The following KIAA0825 variants were observed in gnomAD, a reference collection of about 807,000 sequenced individuals.
KIAA0825 encodes the protein uncharacterized protein KIAA0825.
Under a neutral mutation model 147.6 loss-of-function variants are expected in KIAA0825, and 119 were observed. The observed-to-expected ratio is 0.81, with a 90% CI of 0.69 to 0.94. The LOEUF is 0.94. Among genes scored for constraint, KIAA0825 ranks in the 40% least tolerant of loss-of-function variants. The probability of loss-of-function intolerance (pLI) is 0.00; values close to 1 mark genes in which losing one functional copy is unlikely to be tolerated. For synonymous variants in KIAA0825, 470 were observed against 518.1 expected (o/e 0.91, Z 1.26); for missense variants, 1,381 against 1,472.7 (o/e 0.94, Z 1.02).
chr5:94,237,336 G>A (rs372801378), intron 20 of KIAA0825, among the ~76,000 whole-genome samples: 8 of 152,062 alleles, frequency 5.3e-5, no homozygotes, highest in African/African-American at 1.9e-4. Flanking sequence ...AAGAAACACT[G>A]CTTAATGTAG....
rs549898355 is a variant in KIAA0825, at chr5:94,308,366, G to A, written c.3710+76002C>T. ...ACAGGAGAGAGAATGATTAGATGCA[G>A]TTTCATCTCTCAAGGAGCTCTCAAT... On this transcript the variant is annotated intron_variant, in intron 20 of 20. Coordinates refer to ENST00000682413, the MANE Select transcript of KIAA0825 (RefSeq NM_001145678.3). 7.3e-5 allele frequency among the ~76,000 whole-genome samples: 11 copies of A among 151,642 alleles called. No homozygotes were observed. In the South Asian group the frequency reaches 2.1e-3, roughly 29 times the overall value.
chr5:94,205,477 G>C (rs1252251479), intron 20 of KIAA0825, among the ~76,000 whole-genome samples: 2 of 151,396 alleles, frequency 1.3e-5, no homozygotes, highest in African/African-American at 4.9e-5. Flanking sequence ...ATTTTTAGTA[G>C]AGATGGGGTT....
intron 15 of KIAA0825, among the ~76,000 whole-genome samples, chr5:94,409,643 G>T (rs574342723): frequency 6.6e-6 from 1 of 152,164 alleles, no homozygotes; most frequent in African/African-American, 2.4e-5. Context: ...TTGAGAAACT[G>T]TTAGCTGAAC....
intron 1 of KIAA0825, among the ~76,000 whole-genome samples, chr5:94,606,026 C>T (rs1353480857): frequency 6.6e-6 from 1 of 152,128 alleles, no homozygotes; most frequent in Non-Finnish European, 1.5e-5. Flanking sequence ...AGTCTTAGCC[C>T]AAAGGCTCCT....
chr5:94,170,170 G>A (rs1562293706), intron 20 of KIAA0825, among the ~76,000 whole-genome samples: 1 of 152,100 alleles, frequency 6.6e-6, no homozygotes, highest in East Asian at 1.9e-4. Flanking sequence ...ATGGTGGCGG[G>A]TGCCTGTAGT....
chr5:94,542,207 C>G (rs1366277665), intron 2 of KIAA0825, among the ~76,000 whole-genome samples: 5 of 152,200 alleles, frequency 3.3e-5, no homozygotes, highest in Admixed American at 6.5e-5. Context: ...TCAGGACTCT[C>G]ATGGAGAGCT....
intron 1 of KIAA0825, among the ~76,000 whole-genome samples, chr5:94,608,986 GATTT>G (rs1401460128): frequency 1.3e-5 from 2 of 152,050 alleles, no homozygotes; most frequent in Non-Finnish European, 2.9e-5. Flanking sequence ...ATTTGTAAAA[GATTT>G]ATTAAAAGTA....
chr5:94,268,105 A>G (rs1478960009), intron 20 of KIAA0825, among the ~76,000 whole-genome samples: 1 of 152,170 alleles, frequency 6.6e-6, no homozygotes, highest in African/African-American at 2.4e-5. Context: ...TTATTCGTTT[A>G]AAATTGCAAT....
At chr5:94,196,454 ACTT>A (rs1235284788) in intron 20 of KIAA0825, among the ~76,000 whole-genome samples, 1 of 150,524 alleles carries the variant, frequency 6.6e-6, no homozygotes, top group Admixed American at 6.6e-5. Context: ...TACTGACGAA[ACTT>A]CTTTTTTTTT....
At position 94,473,699 on chromosome 5, in the gene KIAA0825, CAT is replaced by C. The variant is rs949956801; in HGVS notation, c.1228-182_1228-181del. On this transcript the variant is annotated intron_variant, in intron 7 of 20. Coordinates refer to ENST00000682413, the MANE Select transcript of KIAA0825 (RefSeq NM_001145678.3). The stretch of plus-strand genomic sequence containing the variant: ...TAGTGAATAAAGCAATATACAAAAA[CAT>C]GTGCATTCTTTACACACAGTAATAT... 3.9e-4 allele frequency among the ~76,000 whole-genome samples: 59 copies of C among 152,208 alleles called. 1 individual carries two copies. The highest frequency in any genetic ancestry group is 1.0e-3 in the African/African-American group (43 of 41,532).
At chr5:94,388,895 C>G (rs953619589) in intron 18 of KIAA0825, among the ~76,000 whole-genome samples, 2 of 152,164 alleles carry the variant, frequency 1.3e-5, no homozygotes, top group Non-Finnish European at 2.9e-5. Flanking sequence ...CTCCATTTCT[C>G]TTCACTGAAG....
Position 94,151,731 on chromosome 5 carries a change from T to G in KIAA0825, c.*2276A>C, listed in dbSNP as rs569971479. Among the ~76,000 whole-genome samples, 1 of 152,306 alleles carries G rather than the reference T, an allele frequency of 6.6e-6. No homozygotes were observed. Among genetic ancestry groups the G allele is most frequent in the East Asian group, 1.9e-4 (1 of 5,182 alleles). Reference sequence around the variant, plus strand: ...CAGGATTAATACAGGAATATACGAATTCAATAATAATAGCTTTAAAAGATG... The same window carrying G: ...CAGGATTAATACAGGAATATACGAAGTCAATAATAATAGCTTTAAAAGATG... On this transcript the variant is annotated 3_prime_UTR_variant, in exon 21 of 21. Transcript: ENST00000682413.
intron 5 of KIAA0825, among the ~76,000 whole-genome samples, chr5:94,517,516 A>G (rs1434156555): frequency 6.6e-6 from 1 of 152,094 alleles, no homozygotes; most frequent in East Asian, 1.9e-4. Context: ...AGAAGCAACT[A>G]AAGATTGAAT....
At chr5:94,380,051 C>T (rs1287244406) in intron 20 of KIAA0825, among the ~76,000 whole-genome samples, 1 of 151,810 alleles carries the variant, frequency 6.6e-6, no homozygotes, top group Non-Finnish European at 1.5e-5. Context: ...GACGGGATTT[C>T]ACCATGTTAG....
chr5:94,263,534 T>G (rs1282335965), intron 20 of KIAA0825, among the ~76,000 whole-genome samples: 1 of 152,168 alleles, frequency 6.6e-6, no homozygotes, highest in Non-Finnish European at 1.5e-5. Context: ...CACCTGTACG[T>G]GAATGACTCC....
intron 20 of KIAA0825, among the ~76,000 whole-genome samples, chr5:94,355,838 A>C (rs1202979658): frequency 6.6e-6 from 1 of 152,232 alleles, no homozygotes; most frequent in Non-Finnish European, 1.5e-5. Flanking sequence ...AATATGGTTT[A>C]GGTATGTTTG....
intron 17 of KIAA0825, 26 bp downstream of exon 17, chr5:94,396,075 C>T: frequency 3.6e-6 from 5 of 1,405,206 alleles, no homozygotes; most frequent in Non-Finnish European, 4.6e-6. Context: ...TTGATGAAAT[C>T]CAATAAGAGA....
chr5:94,525,171 T>A (rs981859743), intron 3 of KIAA0825, among the ~76,000 whole-genome samples: 1 of 151,886 alleles, frequency 6.6e-6, no homozygotes, highest in African/African-American at 2.4e-5. Context: ...AAAGATTTGA[T>A]ACTAAGAGGT....
At chr5:94,316,073 GAAC>G (rs1430339557) in intron 20 of KIAA0825, among the ~76,000 whole-genome samples, 2 of 151,614 alleles carry the variant, frequency 1.3e-5, no homozygotes, top group Non-Finnish European at 2.9e-5. Flanking sequence ...ACAAAATAAT[GAAC>G]AACGAGGTTA....
Sources: allele counts gnomAD v4.1 joint callset (sites outside exome capture counted in the v4.1 genomes callset), GRCh38; gene constraint gnomAD v4.1.1; transcripts MANE v1.5; gene names NCBI Gene and HGNC (gene_info 2026-07-23, HGNC 2026-07-21).